Variants in FKBP9 observed in about 807,000 individuals in gnomAD.
The protein encoded by FKBP9 is peptidyl-prolyl cis-trans isomerase FKBP9.
Under a neutral mutation model 55.6 loss-of-function variants are expected in FKBP9, and 27 were observed. That is an observed-to-expected ratio of 0.49 (90% CI 0.36 to 0.67). FKBP9 has a LOEUF of 0.67. Among genes scored for constraint, FKBP9 ranks in the 30% least tolerant of loss-of-function variants. The pLI is 0.00. For synonymous variants in FKBP9, 267 were observed against 296.5 expected (o/e 0.90, Z 1.02); for missense variants, 539 against 742.8 (o/e 0.73, Z 3.19).
chr7:32,993,163 A>C (rs140369340), intron 6 of FKBP9: 219 of 232,576 alleles, frequency 9.4e-4, no homozygotes, highest in African/African-American at 4.6e-3. Flanking sequence ...GAATTGATAA[A>C]ATTTGGTGAC....
At position 32,996,511 on chromosome 7, in the gene FKBP9, GAGTTTCCTATTA is replaced by G. The variant is rs561901357; in HGVS notation, c.1226+164_1226+175del. ...TCACTGCTCAGGTGCATTGTGTTAA[GAGTTTCCTATTA>G]ATGGTCTTGCCCTGCTGCAGGTCAT... On this transcript the variant is annotated intron_variant, in intron 7 of 9. Transcript: ENST00000242209. Among the ~76,000 whole-genome samples, 279 of 152,208 alleles carry G rather than the reference GAGTTTCCTATTA, an allele frequency of 1.8e-3. 1 individual carries two copies. The highest frequency in any genetic ancestry group is 6.5e-3 in the African/African-American group (268 of 41,518).
intron 4 of FKBP9, among the ~76,000 whole-genome samples, chr7:32,978,717 A>G (rs182102764): frequency 4.3e-4 from 66 of 152,270 alleles, no homozygotes; most frequent in Admixed American, 2.1e-3. Flanking sequence ...AAGTTCATTC[A>G]CGTTGGCTCC....
At chr7:33,003,420 CT>C (rs1384156393) in intron 9 of FKBP9, among the ~76,000 whole-genome samples, 1 of 152,190 alleles carries the variant, frequency 6.6e-6, no homozygotes. Flanking sequence ...TACAAATGTG[CT>C]ATTATTTTCC....
At chr7:32,996,401 T>A in intron 7 of FKBP9, 52 bp downstream of exon 7, 2 of 1,250,186 alleles carry the variant, frequency 1.6e-6, no homozygotes, top group Non-Finnish European at 2.3e-6. Flanking sequence ...GACAGTTGCA[T>A]GCTCCCACCA....
At position 32,996,201 on chromosome 7, in the gene FKBP9, C is replaced by T. The variant is rs746091309; in HGVS notation, c.1078C>T (p.His360Tyr). 6 of 1,614,204 alleles carry T rather than the reference C, an allele frequency of 3.7e-6. No homozygotes were observed. The Middle Eastern group carries it at 4.9e-4, about 133-fold the overall frequency. ...PGSAVLVFDI[H>Y]VIDFHNPSDS... ...CTCGGCTGTGCTGGTGTTTGACATC[C>T]ATGTGATCGACTTCCACAACCCTTC... is the stretch of plus-strand genomic sequence containing the variant. The change falls in exon 7 of 10, where the codon CAT (histidine) becomes TAT (tyrosine). Residue 360 changes from histidine to tyrosine, a missense_variant. By Grantham distance (83) the His-to-Tyr change is moderately conservative. Transcript: ENST00000242209.
chr7:32,966,522 T>G (rs1784149251), intron 1 of FKBP9, among the ~76,000 whole-genome samples: 1 of 152,110 alleles, frequency 6.6e-6, no homozygotes, highest in African/African-American at 2.4e-5. Flanking sequence ...GAGGCTGACA[T>G]GTATGGACTA....
intron 9 of FKBP9, among the ~76,000 whole-genome samples, chr7:33,004,353 T>G (rs1377236853): frequency 6.6e-6 from 1 of 152,220 alleles, no homozygotes; most frequent in East Asian, 1.9e-4. Flanking sequence ...CCCTGCACTT[T>G]CTGCTCGCTG....
rs1784337611 is a variant in FKBP9 at position 32,975,346 on chromosome 7, C to A, written c.532C>A (p.Leu178Met). ...GAGGTACCACTACAACGGGACGTTC[C>A]TGGACGGAACTCTGTTTGATTCGAG... ...FVRYHYNGTF[L>M]DGTLFDSSHN... Residue 178 changes from leucine to methionine, a missense_variant, in exon 3 of 10, where the codon CTG (leucine) becomes ATG (methionine). Leu to Met is a conservative substitution (Grantham distance 15). This residue lies in a region of FKBP9 where 236 missense variants were observed against 271.5 expected (regional missense o/e 0.87). Coordinates refer to ENST00000242209, the MANE Select transcript of FKBP9 (RefSeq NM_007270.5). 1 of 1,613,864 alleles carries A rather than the reference C, an allele frequency of 6.2e-7. No homozygotes were observed. The highest frequency in any genetic ancestry group is 1.3e-5 in the African/African-American group (1 of 74,926).
chr7:32,969,518 A>G (rs532169717), intron 1 of FKBP9, among the ~76,000 whole-genome samples: 3 of 152,250 alleles, frequency 2.0e-5, no homozygotes, highest in African/African-American at 7.2e-5. Flanking sequence ...GCCCTTGTCA[A>G]AGATCATTTG....
At chr7:32,967,990 G>T (rs567514122) in intron 1 of FKBP9, among the ~76,000 whole-genome samples, 1 of 152,296 alleles carries the variant, frequency 6.6e-6, no homozygotes, top group Admixed American at 6.5e-5. Flanking sequence ...CCCGACCTCA[G>T]GTGATCCACC....
chr7:32,984,156 A>G (rs1484910551), intron 5 of FKBP9, among the ~76,000 whole-genome samples: 9 of 151,368 alleles, frequency 5.9e-5, no homozygotes, highest in Non-Finnish European at 1.0e-4. Context: ...GTTTGCCTGT[A>G]TTTCCCTCAA....
chr7:32,972,492 C>T (rs1371798540), intron 1 of FKBP9, among the ~76,000 whole-genome samples: 21 of 151,960 alleles, frequency 1.4e-4, no homozygotes, highest in Non-Finnish European at 2.9e-4. Flanking sequence ...TGAAGGGTGA[C>T]GCATTCTCAT....
intron 1 of FKBP9, among the ~76,000 whole-genome samples, chr7:32,964,566 A>T (rs1784095054): frequency 6.6e-6 from 1 of 151,918 alleles, no homozygotes; most frequent in African/African-American, 2.4e-5. Context: ...GTTCTCTTTC[A>T]TTTCTTCTCT....
At chr7:32,984,973 T>A (rs1168873859) in intron 5 of FKBP9, among the ~76,000 whole-genome samples, 1 of 152,148 alleles carries the variant, frequency 6.6e-6, no homozygotes, top group Non-Finnish European at 1.5e-5. Flanking sequence ...GATTAACTAG[T>A]GTTAGCTTTT....
At chr7:32,968,867 A>C (rs971540716) in intron 1 of FKBP9, among the ~76,000 whole-genome samples, 2 of 151,860 alleles carry the variant, frequency 1.3e-5, no homozygotes, top group African/African-American at 4.8e-5. Context: ...CATGTTGGCC[A>C]GGCTGGTCTT....
At chr7:32,969,613 A>G (rs1396042500) in intron 1 of FKBP9, among the ~76,000 whole-genome samples, 3 of 152,198 alleles carry the variant, frequency 2.0e-5, no homozygotes, top group Admixed American at 1.3e-4. Context: ...TGCTGCCTTG[A>G]TTATGATAGC....
Position 33,006,137 on chromosome 7 carries a change from G to A in FKBP9, c.*786G>A, listed in dbSNP as rs77844797. ...TCTGGAGGCAGAGTCTCCCTTTGTC[G>A]CCAGGCTGGAGTGCAGTGGTGCCAT... On this transcript the variant is annotated 3_prime_UTR_variant, in exon 10 of 10. Coordinates refer to ENST00000242209, the MANE Select transcript of FKBP9 (RefSeq NM_007270.5). 0.18 allele frequency: 30,731 copies of A among 170,858 alleles called. 3,332 individuals are homozygous for A. The highest frequency in any genetic ancestry group is 0.41 in the East Asian group (4,844 of 11,708). The allele number at this position is 170,858 out of a possible 1,614,324, so 10.6% of individuals were successfully genotyped here.
chr7:32,996,130 G>A (rs1044890311), intron 6 of FKBP9, 33 bp from the exon 7 acceptor site: 2 of 1,604,786 alleles, frequency 1.2e-6, no homozygotes, highest in Admixed American at 3.3e-5. Flanking sequence ...GCCTGCAGGG[G>A]TCATTCATTA....
intron 5 of FKBP9, among the ~76,000 whole-genome samples, chr7:32,984,910 T>G (rs1225747560): frequency 6.6e-6 from 1 of 152,248 alleles, no homozygotes; most frequent in Non-Finnish European, 1.5e-5. Flanking sequence ...TGTGTAGAAT[T>G]TTTATCCTTT....
Sources: gnomAD v4.1 joint callset for allele counts (sites outside exome capture counted in the v4.1 genomes callset) on GRCh38, gnomAD v4.1.1 for gene constraint, gnomAD v4.1.1 regional missense constraint, MANE v1.5 for transcripts, NCBI Gene and HGNC (gene_info 2026-07-23, HGNC 2026-07-21) for gene names.